The following CPNE4 variants were observed in gnomAD, a reference collection of about 807,000 sequenced individuals.
The protein encoded by CPNE4 is copine-4.
A neutral mutation model predicts 67.9 loss-of-function variants in CPNE4; 25 were observed. The observed-to-expected ratio is 0.37, with a 90% confidence interval of 0.27 to 0.51. CPNE4 has a LOEUF of 0.51. Among genes scored for constraint, CPNE4 ranks in the 20% least tolerant of loss-of-function variants. The probability of loss-of-function intolerance (pLI) is 0.93; values close to 1 mark genes in which losing one functional copy is unlikely to be tolerated. For missense variants in CPNE4, 464 were observed against 690.8 expected (o/e 0.67, Z 3.68); for synonymous variants, 242 against 244.9 (o/e 0.99, Z 0.11).
intron 1 of CPNE4, among the ~76,000 whole-genome samples, chr3:132,001,603 GAA>G (rs907523621): frequency 6.7e-6 from 1 of 148,980 alleles, no homozygotes; most frequent in Admixed American, 6.7e-5. Flanking sequence ...AAGAAAGAAA[GAA>G]AGAAAGAAAG....
At chr3:132,031,076 G>A (rs1390044236) in intron 1 of CPNE4, among the ~76,000 whole-genome samples, 2 of 151,930 alleles carry the variant, frequency 1.3e-5, no homozygotes, top group South Asian at 4.2e-4. Context: ...AAGATTTTGG[G>A]GACATCTTAA....
intron 1 of CPNE4, among the ~76,000 whole-genome samples, chr3:131,937,152 ATAAT>A (rs1418252076): frequency 2.6e-5 from 4 of 152,172 alleles, no homozygotes; most frequent in African/African-American, 9.6e-5. Flanking sequence ...AAATAAATAA[ATAAT>A]CCTGAAATAA....
At chr3:131,988,885 C>A (rs981401305) in intron 1 of CPNE4, among the ~76,000 whole-genome samples, 3 of 152,174 alleles carry the variant, frequency 2.0e-5, no homozygotes, top group African/African-American at 4.8e-5. Flanking sequence ...TAATGCCAGG[C>A]CCACTTATGT....
chr3:131,564,124 A>G (rs1582805644), intron 11 of CPNE4, 92 bp downstream of exon 11: 23 of 1,473,584 alleles, frequency 1.6e-5, no homozygotes, highest in Non-Finnish European at 2.2e-5. Context: ...GAGCTACTAG[A>G]CTTAATTTCC....
At chr3:132,005,342 TACACACACACACACACACACACAC>T (rs71639016) in intron 1 of CPNE4, among the ~76,000 whole-genome samples, 5,098 of 85,700 alleles carry the variant, frequency 0.059, 392 homozygotes, top group Non-Finnish European at 0.08. Flanking sequence ...TATATATATA[TACACACACACACACACACACACAC>T]ACACACATAT....
chr3:131,959,139 T>A (rs2072086937), intron 1 of CPNE4, among the ~76,000 whole-genome samples: 1 of 51,952 alleles, frequency 1.9e-5, no homozygotes. Context: ...TAGCTGGGAC[T>A]ACAGGCGCCC....
intron 3 of CPNE4, among the ~76,000 whole-genome samples, chr3:131,721,074 T>A (rs1331104948): frequency 6.6e-6 from 1 of 152,248 alleles, no homozygotes; most frequent in African/African-American, 2.4e-5. Flanking sequence ...TCTTATTCTG[T>A]ACTTCTCTGT....
intron 1 of CPNE4, among the ~76,000 whole-genome samples, chr3:132,000,404 G>T (rs2073401720): frequency 1.3e-5 from 2 of 151,862 alleles, no homozygotes; most frequent in African/African-American, 4.8e-5. Context: ...TTATCCCCAG[G>T]TGCTAGGAAT....
At chr3:131,900,789 C>T (rs996357863) in intron 2 of CPNE4, among the ~76,000 whole-genome samples, 2 of 152,054 alleles carry the variant, frequency 1.3e-5, no homozygotes, top group Non-Finnish European at 2.9e-5. Flanking sequence ...GTAGAGTCCA[C>T]TGATAATTGA....
intron 5 of CPNE4, among the ~76,000 whole-genome samples, chr3:131,686,808 C>T (rs4854827): frequency 0.28 from 42,613 of 152,058 alleles, 6,257 homozygotes; most frequent in Middle Eastern, 0.32. Context: ...AATTAGCAAA[C>T]GCCTTGAGAT....
intron 4 of CPNE4, among the ~76,000 whole-genome samples, chr3:131,697,941 A>C (rs900536157): frequency 2.0e-5 from 3 of 152,174 alleles, no homozygotes; most frequent in African/African-American, 7.2e-5. Flanking sequence ...AAATACTTAA[A>C]ATTAAATGGG....
chr3:131,685,887 C>T lies in CPNE4; in HGVS notation c.579G>A (p.Val193=). 1 of 1,611,738 alleles carries T rather than the reference C, an allele frequency of 6.2e-7. No individual in the cohort carries two copies. The highest frequency in any genetic ancestry group is 1.3e-5 in the African/African-American group (1 of 74,978). The change falls in exon 6 of 16, where the codon GTG becomes GTA. Residue 193 remains valine, a synonymous_variant. Transcript: ENST00000429747. ...RMNDDATQQL[V]HRTEVVMNNL... is the part of the protein sequence containing the mutation. ...AGATGACTCTTACCTCAGTTCGGTG[C>T]ACCAGCTGCTGAGTTGCATCATCAT...
intron 1 of CPNE4, among the ~76,000 whole-genome samples, chr3:131,960,551 A>G (rs1310751507): frequency 6.6e-6 from 1 of 152,198 alleles, no homozygotes; most frequent in East Asian, 1.9e-4. Flanking sequence ...AGAGCCTGTT[A>G]CAAGATTATA....
chr3:131,967,672 C>G (rs2072390232), intron 1 of CPNE4, among the ~76,000 whole-genome samples: 1 of 148,450 alleles, frequency 6.7e-6, no homozygotes, highest in Non-Finnish European at 1.5e-5. Flanking sequence ...ACAAGAGGCT[C>G]CTTGAAGGAA....
intron 1 of CPNE4, among the ~76,000 whole-genome samples, chr3:132,003,553 A>G (rs771325142): frequency 2.7e-5 from 4 of 147,296 alleles, no homozygotes; most frequent in Non-Finnish European, 4.5e-5. Flanking sequence ...TACTACTTCT[A>G]TGAAAAGCCA....
chr3:131,864,436 G>A (rs2086842274), intron 2 of CPNE4, among the ~76,000 whole-genome samples: 1 of 152,034 alleles, frequency 6.6e-6, no homozygotes, highest in Non-Finnish European at 1.5e-5. Flanking sequence ...CTTGTAAGTT[G>A]GATTCCTAGT....
At chr3:131,828,844 C>G (rs983654772) in intron 2 of CPNE4, among the ~76,000 whole-genome samples, 3 of 152,148 alleles carry the variant, frequency 2.0e-5, no homozygotes, top group African/African-American at 7.2e-5. Flanking sequence ...AAAAACAAAA[C>G]AAAACAAAAA....
intron 3 of CPNE4, among the ~76,000 whole-genome samples, chr3:131,715,171 C>G (rs185439413): frequency 5.9e-5 from 9 of 152,252 alleles, no homozygotes; most frequent in African/African-American, 2.2e-4. Context: ...CTTCTGGGTG[C>G]TGAGTTTGTA....
chr3:131,978,739 G>T (rs1182457205), intron 1 of CPNE4, among the ~76,000 whole-genome samples: 1 of 149,558 alleles, frequency 6.7e-6, no homozygotes, highest in Non-Finnish European at 1.5e-5. Flanking sequence ...CTGGGTTTGG[G>T]TTTGGTTTGT....
Sources: allele counts gnomAD v4.1 joint callset (sites outside exome capture counted in the v4.1 genomes callset), GRCh38; gene constraint gnomAD v4.1.1; transcripts MANE v1.5; gene names NCBI Gene and HGNC (gene_info 2026-07-23, HGNC 2026-07-21).